The following MYL11 variants were observed in gnomAD, a reference collection of about 807,000 sequenced individuals.
MYL11 encodes myosin regulatory light chain 11.
At chr16:30,377,317 A>G in the MYL11 span, among the ~76,000 whole-genome samples, 1 of 152,226 alleles carries the variant, frequency 6.6e-6, no homozygotes, top group East Asian at 1.9e-4. Flanking sequence ...CAAGAGTTCC[A>G]GGTTGCAGTG....
At chr16:30,375,667 C>A in the MYL11 span, among the ~76,000 whole-genome samples, 1 of 151,942 alleles carries the variant, frequency 6.6e-6, no homozygotes, top group African/African-American at 2.4e-5. Context: ...CAAAGCAAGC[C>A]CCCTCAGCAA....
the MYL11 span, chr16:30,377,906 C>A: frequency 6.3e-7 from 1 of 1,599,908 alleles, no homozygotes; most frequent in South Asian, 1.1e-5. Context: ...AGTAGGGGCA[C>A]CCGCGGGCCT....
the MYL11 span, chr16:30,376,410 C>T: frequency 1.2e-6 from 2 of 1,609,212 alleles, no homozygotes; most frequent in Non-Finnish European, 1.7e-6. Context: ...ATGCTTCCCC[C>T]AACCCCCTCC....
the MYL11 span, among the ~76,000 whole-genome samples, chr16:30,371,358 G>A: frequency 6.6e-6 from 1 of 152,110 alleles, no homozygotes; most frequent in South Asian, 2.1e-4. Flanking sequence ...CTGGTGGTCT[G>A]TGGGACCCTG....
chr16:30,376,259 C>T, the MYL11 span: 1 of 1,605,738 alleles, frequency 6.2e-7, no homozygotes, highest in Non-Finnish European at 8.5e-7. Context: ...TTCAAGGCTG[C>T]AGAGTCTAGG....
chr16:30,374,972 A>T, the MYL11 span: 6 of 1,368,820 alleles, frequency 4.4e-6, no homozygotes, highest in Admixed American at 2.3e-5. Context: ...AAGGATGCTC[A>T]TCTCTTTCTC....
At chr16:30,374,937 G>C in the MYL11 span, 133 of 1,553,098 alleles carry the variant, frequency 8.6e-5, no homozygotes, top group Non-Finnish European at 9.4e-5. Flanking sequence ...GAAAGTAGCT[G>C]GTTCCCAGTC....
At chr16:30,376,530 G>A in the MYL11 span, 1 of 1,614,068 alleles carries the variant, frequency 6.2e-7, no homozygotes, top group Non-Finnish European at 8.5e-7. Context: ...GCTCAAGGGT[G>A]AGTGGAGTGT....
chr16:30,375,827 A>G, the MYL11 span: 6 of 1,613,696 alleles, frequency 3.7e-6, no homozygotes, highest in Non-Finnish European at 5.1e-6. Flanking sequence ...CAGGCACCCA[A>G]GAGGGCCAAG....
At chr16:30,373,317 C>T in the MYL11 span, among the ~76,000 whole-genome samples, 8 of 151,932 alleles carry the variant, frequency 5.3e-5, no homozygotes, top group Non-Finnish European at 1.0e-4. Flanking sequence ...AATTAGATGC[C>T]GGGCACGGTG....
At chr16:30,377,000 G>A in the MYL11 span, among the ~76,000 whole-genome samples, 2 of 152,148 alleles carry the variant, frequency 1.3e-5, no homozygotes, top group Non-Finnish European at 2.9e-5. Context: ...ATCATGTGAG[G>A]TCAGGAGTCC....
At chr16:30,376,366 G>A in the MYL11 span, 1 of 1,569,734 alleles carries the variant, frequency 6.4e-7, no homozygotes, top group Non-Finnish European at 8.7e-7. Flanking sequence ...TTAGTGGGAA[G>A]CGCAGGCCCG....
the MYL11 span, chr16:30,375,709 A>G: frequency 7.3e-5 from 64 of 880,428 alleles, no homozygotes; most frequent in East Asian, 1.6e-3. Flanking sequence ...ACTCAGGCCA[A>G]AGGGCTGCTT....
the MYL11 span, among the ~76,000 whole-genome samples, chr16:30,375,358 C>T: frequency 1.2e-3 from 187 of 151,304 alleles, 3 homozygotes; most frequent in African/African-American, 4.2e-3. Flanking sequence ...CCAGCTACTA[C>T]GGAGGCTGGG....
chr16:30,371,443 A>G, the MYL11 span, among the ~76,000 whole-genome samples: 1 of 151,998 alleles, frequency 6.6e-6, no homozygotes, highest in Non-Finnish European at 1.5e-5. Flanking sequence ...CTCGGCCCCC[A>G]ACTAACCCCA....
chr16:30,376,259 C>A, the MYL11 span: 1 of 1,605,738 alleles, frequency 6.2e-7, no homozygotes, highest in Non-Finnish European at 8.5e-7. Flanking sequence ...TTCAAGGCTG[C>A]AGAGTCTAGG....
At chr16:30,373,359 G>T in the MYL11 span, among the ~76,000 whole-genome samples, 10 of 152,176 alleles carry the variant, frequency 6.6e-5, no homozygotes, top group African/African-American at 2.4e-4. Flanking sequence ...ACTTTGGGAG[G>T]CCGAGGCAGG....
the MYL11 span, among the ~76,000 whole-genome samples, chr16:30,377,082 G>C: frequency 1.3e-5 from 2 of 152,134 alleles, no homozygotes; most frequent in South Asian, 4.2e-4. Flanking sequence ...GCGTGGTGGC[G>C]GGCGCCTGTA....
At chr16:30,376,818 G>A in the MYL11 span, 4 of 992,608 alleles carry the variant, frequency 4.0e-6, no homozygotes, top group Non-Finnish European at 3.0e-6. Flanking sequence ...TATAATCCCA[G>A]TGCTTTGGGA....
Sources: gnomAD v4.1 joint callset for allele counts (sites outside exome capture counted in the v4.1 genomes callset) on GRCh38, gnomAD v4.1.1 for gene constraint, MANE v1.5 for transcripts, NCBI Gene and HGNC (gene_info 2026-07-23, HGNC 2026-07-21) for gene names.